The following MBOAT1 variants were observed in gnomAD, a reference collection of about 807,000 sequenced individuals.
MBOAT1 encodes the protein membrane bound glycerophospholipid O-acyltransferase 1.
In MBOAT1, 67 loss-of-function variants were observed where a neutral mutation model predicts 64.4. The observed-to-expected ratio is 1.04, with a 90% CI of 0.85 to 1.27. MBOAT1 has a LOEUF of 1.27. Among genes scored for constraint, MBOAT1 ranks in the 50% most tolerant of loss-of-function variants. The pLI, the probability that MBOAT1 is intolerant of heterozygous loss-of-function variation, is 0.00. For synonymous variants in MBOAT1, 229 were observed against 218.9 expected (o/e 1.05, Z -0.41); for missense variants, 563 against 604.6 (o/e 0.93, Z 0.72).
chr6:20,198,431 A>T (rs1458067599), intron 1 of MBOAT1, among the ~76,000 whole-genome samples: 1 of 152,190 alleles, frequency 6.6e-6, no homozygotes, highest in Non-Finnish European at 1.5e-5. Context: ...AAGACCATCA[A>T]GTACAAGACC....
At chr6:20,206,099 T>A (rs1414241050) in intron 1 of MBOAT1, among the ~76,000 whole-genome samples, 1 of 152,000 alleles carries the variant, frequency 6.6e-6, no homozygotes, top group Non-Finnish European at 1.5e-5. Flanking sequence ...CATTTTACCA[T>A]CACGACAGCA....
At chr6:20,105,764 G>A (rs1180431437) in intron 12 of MBOAT1, among the ~76,000 whole-genome samples, 5 of 152,128 alleles carry the variant, frequency 3.3e-5, no homozygotes, top group African/African-American at 1.2e-4. Flanking sequence ...CCTCGGCAAC[G>A]GAGGAGACCC....
At chr6:20,197,641 G>A (rs958685334) in intron 1 of MBOAT1, among the ~76,000 whole-genome samples, 1 of 152,160 alleles carries the variant, frequency 6.6e-6, no homozygotes, top group African/African-American at 2.4e-5. Flanking sequence ...CCCCTCCCCT[G>A]CTTTGAGTTG....
chr6:20,155,988 G>T (rs73384447), intron 1 of MBOAT1, among the ~76,000 whole-genome samples: 8,171 of 152,192 alleles, frequency 0.054, 720 homozygotes, highest in African/African-American at 0.18. Context: ...AAATTTTAGG[G>T]TCCAGCGCGG....
chr6:20,126,430 A>G, intron 7 of MBOAT1, 87 bp downstream of exon 7: 1 of 1,129,624 alleles, frequency 8.9e-7, no homozygotes, highest in Non-Finnish European at 1.3e-6. Context: ...GCTTTCTGGT[A>G]AACTGTTTGG....
In MBOAT1 at chr6:20,109,636, A is replaced by G. The variant is rs1185219276; in HGVS notation, c.1323T>C (p.Phe441=). 1.2e-6 allele frequency: 2 copies of G among 1,613,934 alleles called. No homozygotes were observed. The highest frequency in any genetic ancestry group is 1.3e-5 in the African/African-American group (1 of 74,940). ...QLAVSYTVAP[F]VMLAVEPTIS... ...TGGTCGGTTCAACTGCCAACATCAC[A>G]AAGGGTGCTACCGTGTAAGAGACAG... The change falls in exon 12 of 13, where the codon TTT becomes TTC. Residue 441 remains phenylalanine, a synonymous_variant. Transcript: ENST00000324607.
intron 11 of MBOAT1, among the ~76,000 whole-genome samples, 153 bp from the exon 12 acceptor site, chr6:20,109,902 CTTTTTT>C (rs1158455991): frequency 1.1e-5 from 1 of 94,118 alleles, no homozygotes; most frequent in Non-Finnish European, 2.0e-5. Context: ...ACCATCAGGA[CTTTTTT>C]TTTTTTTTTT....
intron 11 of MBOAT1, among the ~76,000 whole-genome samples, chr6:20,111,809 T>TAGATAC (rs1760148546): frequency 1.7e-5 from 2 of 120,698 alleles, no homozygotes; most frequent in African/African-American, 3.1e-5. Flanking sequence ...TTTGTTCATA[T>TAGATAC]ATATACATAT....
intron 8 of MBOAT1, among the ~76,000 whole-genome samples, chr6:20,122,425 A>C (rs573820380): frequency 6.6e-6 from 1 of 152,260 alleles, no homozygotes; most frequent in Non-Finnish European, 1.5e-5. Context: ...ACCATGCAAC[A>C]ATCTTGAGGG....
At position 20,212,288 on chromosome 6, in the gene MBOAT1, C is replaced by A; in HGVS notation, c.-54G>T. On this transcript the variant is annotated 5_prime_UTR_variant, in exon 1 of 13. Transcript: ENST00000324607. Reference sequence around the variant, plus strand: ...GTCCCAGCCCGCAACACCCCCTGCTCGGCGTCCTCCCGCCCGGGTGCTCTT... The same window carrying A: ...GTCCCAGCCCGCAACACCCCCTGCTAGGCGTCCTCCCGCCCGGGTGCTCTT... The A allele has an allele frequency of 6.5e-7, 1 of 1,526,914 alleles. No homozygotes were observed. Among genetic ancestry groups the A allele is most frequent in the South Asian group, 1.2e-5 (1 of 85,662 alleles). The allele number at this position is 1,526,914 out of a possible 1,614,324, so 94.6% of individuals were successfully genotyped here. A position where few individuals can be genotyped will look rare whatever the true frequency, so the allele number is the denominator to read the frequency against.
intron 2 of MBOAT1, 56 bp from the exon 3 acceptor site, chr6:20,151,318 C>CTAT: frequency 2.4e-6 from 3 of 1,260,806 alleles, no homozygotes; most frequent in Non-Finnish European, 3.4e-6. Context: ...ATTAACACAG[C>CTAT]TATTGGTCAC....
chr6:20,118,804 T>A (rs16883364), intron 8 of MBOAT1, among the ~76,000 whole-genome samples: 1 of 151,992 alleles, frequency 6.6e-6, no homozygotes, highest in Non-Finnish European at 1.5e-5. Flanking sequence ...TAGATGTCCA[T>A]AGAATGCAGA....
At position 20,124,644 on chromosome 6, in the gene MBOAT1, G is replaced by C. The variant is rs757553895; in HGVS notation, c.715-44C>G. On this transcript the variant is annotated intron_variant, in intron 7 of 12. Coordinates refer to ENST00000324607, the MANE Select transcript of MBOAT1 (RefSeq NM_001080480.3). ...CAGTGTCACCGTGCAGAAGGCTCAG[G>C]TATGAAGAAAACAGCTTTGGAATGG... 1.9e-6 allele frequency: 3 copies of C among 1,588,652 alleles called. No homozygotes were observed. In the South Asian group the frequency reaches 3.4e-5, roughly 18 times the overall value.
intron 1 of MBOAT1, among the ~76,000 whole-genome samples, chr6:20,156,261 A>C: frequency 1.5e-5 from 2 of 137,682 alleles, no homozygotes; most frequent in African/African-American, 2.9e-5. Flanking sequence ...ACAGGGCGAG[A>C]CTCCCTCTCA....
intron 1 of MBOAT1, among the ~76,000 whole-genome samples, chr6:20,188,644 T>C (rs1003975072): frequency 6.6e-6 from 1 of 152,146 alleles, no homozygotes; most frequent in African/African-American, 2.4e-5. Context: ...GGTGTCTCAT[T>C]TGCATAAGGT....
intron 4 of MBOAT1, among the ~76,000 whole-genome samples, chr6:20,141,436 A>AT (rs1761174735): frequency 7.2e-6 from 1 of 139,254 alleles, no homozygotes; most frequent in Non-Finnish European, 1.5e-5. Flanking sequence ...ATCATAGCTC[A>AT]TTGCAGCCCC....
At chr6:20,129,089 G>T (rs1760742155) in intron 5 of MBOAT1, among the ~76,000 whole-genome samples, 1 of 152,102 alleles carries the variant, frequency 6.6e-6, no homozygotes, top group African/African-American at 2.4e-5. Flanking sequence ...TGTCTTCCCT[G>T]ATACATCAGA....
intron 11 of MBOAT1, among the ~76,000 whole-genome samples, chr6:20,112,545 AATC>A (rs1760199927): frequency 6.6e-6 from 1 of 152,338 alleles, no homozygotes; most frequent in South Asian, 2.1e-4. Flanking sequence ...ATTAATTAAT[AATC>A]ATCATCATCT....
intron 8 of MBOAT1, among the ~76,000 whole-genome samples, chr6:20,120,238 G>T (rs2472756): frequency 0.11 from 16,640 of 151,986 alleles, 1,092 homozygotes; most frequent in South Asian, 0.17. Context: ...GCATAAAATG[G>T]ATATAATAAT....
Sources: allele counts gnomAD v4.1 joint callset (sites outside exome capture counted in the v4.1 genomes callset), GRCh38; gene constraint gnomAD v4.1.1; transcripts MANE v1.5; gene names NCBI Gene and HGNC (gene_info 2026-07-23, HGNC 2026-07-21).